Variants in ABTB2 observed in about 807,000 individuals in gnomAD.
The protein encoded by ABTB2 is ankyrin repeat and BTB domain containing 2, also known as ankyrin repeat and BTB/POZ domain-containing protein 2.
A neutral mutation model predicts 104.1 loss-of-function variants in ABTB2; 56 were observed. The ratio of observed to expected loss-of-function variants is 0.54; its 90% CI spans 0.43 to 0.67. The LOEUF (loss-of-function observed/expected upper bound fraction) is 0.67, where lower values mean the gene tolerates loss of function less well. Among genes scored for constraint, ABTB2 ranks in the 30% least tolerant of loss-of-function variants. The pLI is 0.00. For missense variants in ABTB2, 1,279 were observed against 1,407.7 expected, an observed-to-expected ratio of 0.91 and a Z score of 1.46; for synonymous variants, 606 against 608.2, an observed-to-expected ratio of 1.00 and a Z score of 0.05.
chr11:34,216,899 A>G (rs187239130), intron 1 of ABTB2, among the ~76,000 whole-genome samples: 86 of 152,344 alleles, frequency 5.6e-4, no homozygotes, highest in African/African-American at 2.0e-3. Flanking sequence ...TTCCATTAAG[A>G]CACGCCCACC....
chr11:34,279,959 C>T (rs1221471742), intron 1 of ABTB2, among the ~76,000 whole-genome samples: 2 of 151,810 alleles, frequency 1.3e-5, no homozygotes, highest in African/African-American at 4.8e-5. Flanking sequence ...TGGCCAGAGA[C>T]AGGGTTTCAC....
At chr11:34,310,872 A>G (rs1042847937) in intron 1 of ABTB2, among the ~76,000 whole-genome samples, 1 of 152,152 alleles carries the variant, frequency 6.6e-6, no homozygotes, top group Non-Finnish European at 1.5e-5. Flanking sequence ...GACACACTCA[A>G]AAACAGCTGT....
At chr11:34,293,713 GA>G (rs939637423) in intron 1 of ABTB2, among the ~76,000 whole-genome samples, 1 of 151,876 alleles carries the variant, frequency 6.6e-6, no homozygotes, top group African/African-American at 2.4e-5. Flanking sequence ...TAAGGGTAAG[GA>G]AAACAAGGTA....
intron 10 of ABTB2, 128 bp from the exon 11 acceptor site, chr11:34,161,209 C>T: frequency 2.2e-6 from 2 of 929,070 alleles, no homozygotes; most frequent in Non-Finnish European, 3.1e-6. Flanking sequence ...CGCCCGCCCC[C>T]TCCCGCCTGC....
At chr11:34,185,113 A>T (rs1166061019) in intron 3 of ABTB2, among the ~76,000 whole-genome samples, 4 of 152,240 alleles carry the variant, frequency 2.6e-5, no homozygotes, top group East Asian at 1.9e-4. Context: ...GTAATCACAC[A>T]GCACTCACCT....
At chr11:34,278,235 A>T (rs1271451293) in intron 1 of ABTB2, among the ~76,000 whole-genome samples, 1 of 152,208 alleles carries the variant, frequency 6.6e-6, no homozygotes, top group Non-Finnish European at 1.5e-5. Context: ...GGATAATTAG[A>T]TAATCTAGAA....
intron 1 of ABTB2, among the ~76,000 whole-genome samples, chr11:34,354,520 C>A (rs1392679709): frequency 6.6e-6 from 1 of 151,846 alleles, no homozygotes; most frequent in African/African-American, 2.4e-5. Context: ...TAGGTGGTGC[C>A]AAAAGACCAA....
Position 34,272,568 on chromosome 11 carries a change from G to T in ABTB2, c.884-67878C>A, listed in dbSNP as rs943823535. On this transcript the variant is annotated intron_variant, in intron 1 of 16. Transcript: ENST00000435224. Reference sequence around the variant, plus strand: ...TAAAAATACAAAAAACTAGCCAGATGTGGTGGCGGGCACCTGTAGTCCCAG... The same window carrying T: ...TAAAAATACAAAAAACTAGCCAGATTTGGTGGCGGGCACCTGTAGTCCCAG... Among the ~76,000 whole-genome samples the T allele has an allele frequency of 2.0e-5, 3 of 151,570 alleles. No homozygotes were observed. The East Asian group carries it at 5.8e-4, about 29-fold the overall frequency.
At chr11:34,165,661 C>T (rs1852790134) in intron 7 of ABTB2, among the ~76,000 whole-genome samples, 1 of 152,214 alleles carries the variant, frequency 6.6e-6, no homozygotes, top group Non-Finnish European at 1.5e-5. Flanking sequence ...TTTCTGAGAA[C>T]ACATGTGGAT....
intron 9 of ABTB2, among the ~76,000 whole-genome samples, chr11:34,163,979 G>A (rs1222562012): frequency 6.6e-6 from 1 of 152,120 alleles, no homozygotes; most frequent in Non-Finnish European, 1.5e-5. Flanking sequence ...GGGTGAATGT[G>A]GGGGTGGGCT....
At position 34,160,903 on chromosome 11, in the gene ABTB2, T is replaced by G. The variant is rs1379338294; in HGVS notation, c.2397A>C (p.Lys799Asn). The change falls in exon 11 of 17, where the codon AAA (lysine) becomes AAC (asparagine). Residue 799 changes from lysine to asparagine, a missense_variant and splice_region_variant. Coordinates refer to ENST00000435224, the MANE Select transcript of ABTB2 (RefSeq NM_145804.3). The part of the protein sequence containing the change: ...QLMFDILKTS[K>N]NDSVIQQLAT... ...GGAACTGGCCACTGGCCACACTTACTTTGCTGGTCTTGAGGATGTCGAACA... is the reference window on the plus strand; with the variant it reads ...GGAACTGGCCACTGGCCACACTTACGTTGCTGGTCTTGAGGATGTCGAACA... The G allele has an allele frequency of 6.2e-7, 1 of 1,600,856 alleles. No homozygotes were observed. The highest frequency in any genetic ancestry group is 1.3e-5 in the African/African-American group (1 of 74,540).
chr11:34,201,195 T>C (rs1187852735), intron 2 of ABTB2, among the ~76,000 whole-genome samples: 1 of 152,070 alleles, frequency 6.6e-6, no homozygotes, highest in Non-Finnish European at 1.5e-5. Flanking sequence ...GAAACTTCAA[T>C]TGATCCTACA....
intron 1 of ABTB2, among the ~76,000 whole-genome samples, chr11:34,246,996 C>T (rs1402429399): frequency 5.3e-5 from 8 of 151,870 alleles, no homozygotes; most frequent in Non-Finnish European, 8.8e-5. Context: ...TACAGGCATG[C>T]ACCAACATGC....
intron 1 of ABTB2, among the ~76,000 whole-genome samples, chr11:34,266,959 A>T (rs1044873057): frequency 1.6e-5 from 2 of 124,658 alleles, no homozygotes; most frequent in Non-Finnish European, 3.2e-5. Context: ...GCTCCTTTTG[A>T]GTGAGCCCAC....
intron 1 of ABTB2, among the ~76,000 whole-genome samples, chr11:34,322,949 G>A (rs1855023866): frequency 1.3e-5 from 2 of 152,136 alleles, no homozygotes; most frequent in Non-Finnish European, 2.9e-5. Flanking sequence ...TCGCTCTATC[G>A]CCCAGGCTGG....
intron 13 of ABTB2, 23 bp downstream of exon 13, chr11:34,159,883 G>A (rs757713565): frequency 1.3e-6 from 2 of 1,582,538 alleles, no homozygotes; most frequent in South Asian, 1.1e-5. Context: ...TGGGCTGGGA[G>A]TTTGTTATCT....
intron 1 of ABTB2, among the ~76,000 whole-genome samples, chr11:34,340,214 T>C (rs1855246342): frequency 6.6e-6 from 1 of 152,114 alleles, no homozygotes; most frequent in African/African-American, 2.4e-5. Flanking sequence ...ACTAGACAGA[T>C]AAGACATTCT....
At chr11:34,339,332 C>T (rs1342988350) in intron 1 of ABTB2, among the ~76,000 whole-genome samples, 1 of 152,176 alleles carries the variant, frequency 6.6e-6, no homozygotes, top group East Asian at 1.9e-4. Context: ...AGTGTGTGGG[C>T]TCATGCTAGA....
chr11:34,328,011 T>C (rs1265864040), intron 1 of ABTB2, among the ~76,000 whole-genome samples: 2 of 152,178 alleles, frequency 1.3e-5, no homozygotes, highest in African/African-American at 4.8e-5. Context: ...TGTGAAAATA[T>C]TGAGATTAAG....
Sources: gnomAD v4.1 joint callset for allele counts (sites outside exome capture counted in the v4.1 genomes callset) on GRCh38, gnomAD v4.1.1 for gene constraint, MANE v1.5 for transcripts, NCBI Gene and HGNC (gene_info 2026-07-23, HGNC 2026-07-21) for gene names.